Variants in WDFY4 observed in about 807,000 individuals in gnomAD.
WDFY4 encodes the protein WD repeat- and FYVE domain-containing protein 4.
Under a neutral mutation model 351.9 loss-of-function variants are expected in WDFY4, and 169 were observed. The observed-to-expected ratio is 0.48, with a 90% CI of 0.42 to 0.55. The LOEUF is 0.55. Among genes scored for constraint, WDFY4 ranks in the 20% least tolerant of loss-of-function variants. WDFY4 has a pLI of 0.00. For missense variants in WDFY4, 3,803 were observed against 3,935.6 expected (o/e 0.97, Z 0.90); for synonymous variants, 1,622 against 1,574.6 (o/e 1.03, Z -0.71).
intron 51 of WDFY4, among the ~76,000 whole-genome samples, chr10:48,948,521 G>A (rs184881252): frequency 6.6e-6 from 1 of 152,312 alleles, no homozygotes; most frequent in East Asian, 1.9e-4. Context: ...CAAAACCCCA[G>A]CTCTACCTGT....
chr10:48,777,391 A>G (rs765151187), intron 16 of WDFY4, 28 bp from the exon 17 acceptor site: 63 of 1,548,390 alleles, frequency 4.1e-5, no homozygotes, highest in Non-Finnish European at 4.7e-5. Context: ...TTGCAGTCCA[A>G]TGATCTGAGA....
At chr10:48,787,998 C>CCTTCTCCTTCTCCTTCTCCTTCTCCTT (rs2066546135) in intron 20 of WDFY4, among the ~76,000 whole-genome samples, 1 of 130,078 alleles carries the variant, frequency 7.7e-6, no homozygotes. Context: ...TTCTCCTTCT[C>CCTTCTCCTTCTCCTTCTCCTTCTCCTT]CTTCTCCTTC....
chr10:48,928,634 G>A (rs1839789830), intron 47 of WDFY4, among the ~76,000 whole-genome samples: 1 of 152,142 alleles, frequency 6.6e-6, no homozygotes, highest in Non-Finnish European at 1.5e-5. Context: ...TCATGCTGGG[G>A]CATCTCCTCA....
chr10:48,979,171 A>C (rs996897209), intron 60 of WDFY4, among the ~76,000 whole-genome samples: 2 of 152,200 alleles, frequency 1.3e-5, no homozygotes, highest in African/African-American at 4.8e-5. Flanking sequence ...CACAAAGATC[A>C]ATAATATCAC....
chr10:48,977,482 T>TATCC lies in WDFY4; in HGVS notation c.9291+522_9291+525dup, dbSNP rs531406973. On this transcript the variant is annotated intron_variant, in intron 59 of 61. Coordinates refer to ENST00000325239, the MANE Select transcript of WDFY4 (RefSeq NM_001394531.1). The stretch of plus-strand genomic sequence containing the variant: ...CCATCCATCCATGTATCCCTCCATG[T>TATCC]ATCCATCCATCCATCCATCCATGCA... Among the ~76,000 whole-genome samples, 15 of 151,530 alleles carry TATCC rather than the reference T, an allele frequency of 9.9e-5. No homozygotes were observed. The South Asian group carries it at 2.5e-3, about 25-fold the overall frequency.
chr10:48,939,848 G>A (rs1345845341), intron 47 of WDFY4, among the ~76,000 whole-genome samples: 1 of 152,268 alleles, frequency 6.6e-6, no homozygotes. Context: ...AATGAGGAGG[G>A]GGATGGTGAA....
At chr10:48,777,145 A>G (rs1394198738) in intron 16 of WDFY4, among the ~76,000 whole-genome samples, 161 bp downstream of exon 16, 1 of 152,226 alleles carries the variant, frequency 6.6e-6, no homozygotes, top group Non-Finnish European at 1.5e-5. Flanking sequence ...GCGGCCTCCC[A>G]GGGGCTGTGT....
chr10:48,897,441 G>C lies in WDFY4; in HGVS notation c.7317-13G>C, dbSNP rs1837140319. 3 of 1,550,224 alleles carry C rather than the reference G, an allele frequency of 1.9e-6. No homozygotes were observed. Among genetic ancestry groups the C allele is most frequent in the Non-Finnish European group, 2.6e-6 (3 of 1,146,310 alleles). On this transcript the variant is annotated splice_polypyrimidine_tract_variant and intron_variant, in intron 44 of 61. Transcript: ENST00000325239. ...GTCTGAACATGTGCCCTGCATGCCTGTTTCCTTTTCAGCATCAGCGATCCG... is the reference window on the plus strand; with the variant it reads ...GTCTGAACATGTGCCCTGCATGCCTCTTTCCTTTTCAGCATCAGCGATCCG...
chr10:48,813,949 T>G lies in WDFY4; in HGVS notation c.5215-8T>G. On this transcript the variant is annotated splice_polypyrimidine_tract_variant and splice_region_variant and intron_variant, in intron 30 of 61. Coordinates refer to ENST00000325239, the MANE Select transcript of WDFY4 (RefSeq NM_001394531.1). ...AGGTCTGCTTACAGCTCCTGCCTCC[T>G]CTTCCAGGACAGCCTTGATGCCATG... The G allele has an allele frequency of 6.5e-7, 1 of 1,531,044 alleles. No individual in the cohort carries two copies. Among genetic ancestry groups the G allele is most frequent in the African/African-American group, 1.4e-5 (1 of 72,394 alleles). The allele number at this position is 1,531,044 out of a possible 1,614,324, so 94.8% of individuals were successfully genotyped here.
At chr10:48,709,013 C>A (rs933153817) in intron 1 of WDFY4, among the ~76,000 whole-genome samples, 6 of 151,888 alleles carry the variant, frequency 4.0e-5, no homozygotes, top group Non-Finnish European at 4.4e-5. Flanking sequence ...CAACACCCCC[C>A]CCCCCCAAAC....
intron 40 of WDFY4, among the ~76,000 whole-genome samples, chr10:48,870,091 A>G (rs550461336): frequency 1.2e-4 from 18 of 152,254 alleles, no homozygotes; most frequent in African/African-American, 4.3e-4. Context: ...TCCTATAACC[A>G]TTCATAACAA....
chr10:48,736,499 G>A (rs2064672805), intron 11 of WDFY4, among the ~76,000 whole-genome samples: 1 of 152,230 alleles, frequency 6.6e-6, no homozygotes, highest in South Asian at 2.1e-4. Context: ...CCCTGGCTAG[G>A]CAGCTACTTC....
intron 43 of WDFY4, among the ~76,000 whole-genome samples, chr10:48,889,004 G>A (rs1459851291): frequency 2.6e-5 from 4 of 152,188 alleles, no homozygotes; most frequent in African/African-American, 9.6e-5. Context: ...CCAAAGCCTG[G>A]CTCAGTGCCT....
rs1187654238 is a variant in WDFY4, at chr10:48,739,563, A to G, written c.1879-3405A>G. On this transcript the variant is annotated intron_variant, in intron 11 of 61. Transcript: ENST00000325239. ...ATAGAAATGTTTCTCTTTAGTTGCT[A>G]TGAAATTAAGCCTTTGTAATTGGAT... Among the ~76,000 whole-genome samples the G allele has an allele frequency of 1.3e-5, 2 of 152,198 alleles. 1 individual carries two copies. Among genetic ancestry groups the G allele is most frequent in the Non-Finnish European group, 2.9e-5 (2 of 68,030 alleles).
chr10:48,741,010 T>C (rs573130557), intron 11 of WDFY4, among the ~76,000 whole-genome samples: 2 of 152,354 alleles, frequency 1.3e-5, no homozygotes, highest in East Asian at 3.9e-4. Context: ...TGGTCTTTCA[T>C]AGATTCTCCT....
chr10:48,882,375 A>G (rs1392937682), intron 43 of WDFY4, among the ~76,000 whole-genome samples: 2 of 152,070 alleles, frequency 1.3e-5, no homozygotes, highest in African/African-American at 4.8e-5. Flanking sequence ...TGTTGCTATT[A>G]ATATTATTAT....
At chr10:48,977,371 A>G (rs1842615511) in intron 59 of WDFY4, among the ~76,000 whole-genome samples, 1 of 151,464 alleles carries the variant, frequency 6.6e-6, no homozygotes, top group Admixed American at 6.6e-5. Context: ...TTATCTCTCT[A>G]CTCATCTACC....
intron 10 of WDFY4, among the ~76,000 whole-genome samples, chr10:48,735,300 C>T (rs1029352971): frequency 1.3e-5 from 2 of 152,174 alleles, no homozygotes; most frequent in Non-Finnish European, 2.9e-5. Flanking sequence ...TATCACCTGT[C>T]AGGTTTCTTT....
At chr10:48,956,811 A>T (rs973844008) in intron 51 of WDFY4, among the ~76,000 whole-genome samples, 2 of 152,134 alleles carry the variant, frequency 1.3e-5, no homozygotes, top group African/African-American at 4.8e-5. Flanking sequence ...GGCCCTCTGC[A>T]GTCTTGGAAG....
Sources: gnomAD v4.1 joint callset for allele counts (sites outside exome capture counted in the v4.1 genomes callset) on GRCh38, gnomAD v4.1.1 for gene constraint, MANE v1.5 for transcripts, NCBI Gene and HGNC (gene_info 2026-07-23, HGNC 2026-07-21) for gene names.